RASA1: variants seen among roughly 807,000 people sequenced by gnomAD.
RASA1 encodes ras GTPase-activating protein 1.
A neutral mutation model predicts 132.2 loss-of-function variants in RASA1; 25 were observed. The ratio of observed to expected loss-of-function variants is 0.19; its 90% confidence interval spans 0.14 to 0.26. The LOEUF (loss-of-function observed/expected upper bound fraction) is 0.26, where lower values mean the gene tolerates loss of function less well. Ranked by LOEUF, RASA1 falls within the 10% of genes least tolerant of loss-of-function variation. The pLI is 1.00. For missense variants in RASA1, 964 were observed against 1,299.2 expected (o/e 0.74, Z 3.97); for synonymous variants, 477 against 449.9 (o/e 1.06, Z -0.76).
chr5:87,321,003 T>G (rs1040833053), intron 1 of RASA1, among the ~76,000 whole-genome samples: 1 of 152,220 alleles, frequency 6.6e-6, no homozygotes, highest in East Asian at 1.9e-4. Flanking sequence ...TGTACACTTC[T>G]GAGCTATTAG....
At chr5:87,276,631 A>C (rs540339451) in intron 1 of RASA1, among the ~76,000 whole-genome samples, 1 of 152,180 alleles carries the variant, frequency 6.6e-6, no homozygotes, top group South Asian at 2.1e-4. Context: ...AAATTTTTCA[A>C]ATTCAGAGGA....
rs755599141 is a variant in RASA1, at chr5:87,390,889, T to C, written c.*6T>C. ...AAACCAATGATGTCAGGTAGCAGCC[T>C]TCGCCCCAGTGTTCTGCATGGATTC... is the stretch of plus-strand genomic sequence containing the variant. On this transcript the variant is annotated 3_prime_UTR_variant, in exon 25 of 25. Coordinates refer to ENST00000274376, the MANE Select transcript of RASA1 (RefSeq NM_002890.3). 1.9e-6 allele frequency: 3 copies of C among 1,602,302 alleles called. No homozygotes were observed. Among genetic ancestry groups the C allele is most frequent in the Middle Eastern group, 1.7e-4 (1 of 6,034 alleles).
chr5:87,268,776 G>A lies in RASA1; in HGVS notation c.325G>A (p.Gly109Arg), dbSNP rs369238352. The change falls in exon 1 of 25, where the codon GGA becomes AGA. Residue 109 changes from glycine to arginine, a missense_variant. Coordinates refer to ENST00000274376, the MANE Select transcript of RASA1 (RefSeq NM_002890.3). ...AAGVAGAAVA[G>R]PSGDMALTKL... ...TGGCGTGGCCGGTGCTGCTGTTGCTGGACCTAGTGGAGACATGGCTCTCAC... is the reference window on the plus strand; with the variant it reads ...TGGCGTGGCCGGTGCTGCTGTTGCTAGACCTAGTGGAGACATGGCTCTCAC... The A allele has an allele frequency of 1.2e-6, 2 of 1,613,920 alleles. No individual in the cohort carries two copies. The highest frequency in any genetic ancestry group is 2.7e-5 in the African/African-American group (2 of 74,910).
At chr5:87,333,980 T>A (rs61066535) in intron 4 of RASA1, among the ~76,000 whole-genome samples, 3,792 of 152,278 alleles carry the variant, frequency 0.025, 111 homozygotes, top group African/African-American at 0.058. Context: ...TAGGTAATTT[T>A]AAAAAATTTT....
chr5:87,319,879 G>A (rs1756654781), intron 1 of RASA1, among the ~76,000 whole-genome samples: 4 of 152,156 alleles, frequency 2.6e-5, no homozygotes, highest in Admixed American at 1.3e-4. Context: ...AAACTTTTAT[G>A]TTCTGCTTCC....
In RASA1 at chr5:87,335,419, G is replaced by GTTTT. The variant is rs34986349; in HGVS notation, c.899+2104_899+2107dup. Among the ~76,000 whole-genome samples the GTTTT allele has an allele frequency of 2.8e-3, 202 of 72,934 alleles. 1 individual carries two copies. The highest frequency in any genetic ancestry group is 0.014 in the Middle Eastern group (1 of 74). The allele number at this position is 72,934 out of a possible 152,430, so 47.8% of individuals were successfully genotyped here. A position where few individuals can be genotyped will look rare whatever the true frequency, so the allele number is the denominator to read the frequency against. ...ATAGGTGAAGATAATAAAGAATGAG[G>GTTTT]TTTTTTTTTTTTTTTTTTTTTTTTT... On this transcript the variant is annotated intron_variant, in intron 4 of 24. Coordinates refer to ENST00000274376, the MANE Select transcript of RASA1 (RefSeq NM_002890.3).
At chr5:87,368,784 T>G (rs570724761) in intron 11 of RASA1, among the ~76,000 whole-genome samples, 1 of 152,310 alleles carries the variant, frequency 6.6e-6, no homozygotes, top group East Asian at 1.9e-4. Flanking sequence ...GCAACTGCCT[T>G]GAACGGAAAA....
chr5:87,279,758 C>T (rs533711206), intron 1 of RASA1, among the ~76,000 whole-genome samples: 2 of 152,038 alleles, frequency 1.3e-5, no homozygotes, highest in Admixed American at 6.6e-5. Context: ...TTATATTAGT[C>T]AGGGTTCTCC....
chr5:87,358,067 T>C (rs1759788449), intron 9 of RASA1, among the ~76,000 whole-genome samples: 1 of 152,276 alleles, frequency 6.6e-6, no homozygotes, highest in East Asian at 1.9e-4. Context: ...AGCAATACTA[T>C]CTTTTTACTA....
At chr5:87,373,287 T>C (rs957733040) in intron 13 of RASA1, among the ~76,000 whole-genome samples, 2 of 152,158 alleles carry the variant, frequency 1.3e-5, no homozygotes, top group African/African-American at 4.8e-5. Flanking sequence ...AACAACTATG[T>C]ACATAGCATT....
At chr5:87,271,180 G>A (rs1280255393) in intron 1 of RASA1, among the ~76,000 whole-genome samples, 3 of 152,148 alleles carry the variant, frequency 2.0e-5, no homozygotes, top group African/African-American at 7.2e-5. Flanking sequence ...GAAGGTTGCA[G>A]TGAGCCGAGA....
At chr5:87,371,863 C>T (rs757072350) in intron 12 of RASA1, among the ~76,000 whole-genome samples, 4 of 151,968 alleles carry the variant, frequency 2.6e-5, no homozygotes, top group Non-Finnish European at 5.9e-5. Context: ...AATGGCCACT[C>T]GATGTGTTTC....
intron 1 of RASA1, among the ~76,000 whole-genome samples, chr5:87,321,051 C>T (rs146960043): frequency 6.6e-6 from 1 of 152,096 alleles, no homozygotes; most frequent in East Asian, 1.9e-4. Context: ...GAAGAAAGAG[C>T]CTATTAGGGA....
rs921775798 is a variant in RASA1 at position 87,333,089 on chromosome 5, A to G, written c.829-178A>G. ...TTTAAAATATGATTTTCATAAAAAC[A>G]GGAACAACAAAAAAGCCTTTCTAGG... On this transcript the variant is annotated intron_variant, in intron 3 of 24. Transcript: ENST00000274376. Among the ~76,000 whole-genome samples, 7 of 152,148 alleles carry G rather than the reference A, an allele frequency of 4.6e-5. No individual in the cohort carries two copies. The East Asian group carries it at 1.3e-3, about 29-fold the overall frequency.
chr5:87,386,736 G>A (rs1449110481), intron 22 of RASA1, 90 bp from the exon 23 acceptor site: 22 of 1,108,442 alleles, frequency 2.0e-5, no homozygotes, highest in Non-Finnish European at 3.0e-5. Flanking sequence ...TGCAGTTTTT[G>A]CTGTTAACTG....
At position 87,390,910 on chromosome 5, in the gene RASA1, G is replaced by A; in HGVS notation, c.*27G>A. 1 of 1,566,366 alleles carries A rather than the reference G, an allele frequency of 6.4e-7. No homozygotes were observed. Among genetic ancestry groups the A allele is most frequent in the South Asian group, 1.1e-5 (1 of 90,058 alleles). ...AGCCTTCGCCCCAGTGTTCTGCATG[G>A]ATTCAGCATGTCCAACATGGTAATT... On this transcript the variant is annotated 3_prime_UTR_variant, in exon 25 of 25. Transcript: ENST00000274376.
Position 87,376,965 on chromosome 5 carries a change from C to T in RASA1, c.2269C>T (p.Leu757=). 1 of 1,612,328 alleles carries T rather than the reference C, an allele frequency of 6.2e-7. No homozygotes were observed. Residue 757 remains leucine (L), a synonymous_variant, in exon 17 of 25, where the codon CTG becomes TTG. Coordinates refer to ENST00000274376, the MANE Select transcript of RASA1 (RefSeq NM_002890.3). ...QDRTLLASIL[L]RIFLHEKLES... is the part of the protein sequence containing the mutation. ...CCGAACACTACTGGCCAGCATCCTA[C>T]TGAGGATTTTTCTTCACGAAAAGCT... is the stretch of plus-strand genomic sequence containing the variant.
chr5:87,290,465 C>G (rs1305190331), intron 1 of RASA1, among the ~76,000 whole-genome samples: 1 of 152,210 alleles, frequency 6.6e-6, no homozygotes, highest in African/African-American at 2.4e-5. Flanking sequence ...ACATTTGTTT[C>G]CAGTGGTGAA....
rs763902213 is a variant in RASA1 at position 87,362,631 on chromosome 5, T to A, written c.1413T>A (p.Phe471Leu). Residue 471 changes from phenylalanine to leucine, a missense_variant, in exon 10 of 25, where the codon TTT becomes TTA. Around this residue, in one of 6 missense-constraint regions of RASA1, gnomAD observed 346 missense variants for 520.1 expected, o/e 0.67. Coordinates refer to ENST00000274376, the MANE Select transcript of RASA1 (RefSeq NM_002890.3). ...TCCGTCGTAAAACAAAGGATGCCTT[T>A]TATAAAAACATTGTTAAGAAAGGTT... ...NTIRRKTKDA[F>L]YKNIVKKGYL... The A allele has an allele frequency of 4.8e-5, 77 of 1,602,240 alleles. No homozygotes were observed. The highest frequency in any genetic ancestry group is 5.4e-5 in the Non-Finnish European group (63 of 1,169,568).
Sources: gnomAD v4.1 joint callset for allele counts (sites outside exome capture counted in the v4.1 genomes callset) on GRCh38, gnomAD v4.1.1 for gene constraint, gnomAD v4.1.1 regional missense constraint, MANE v1.5 for transcripts, NCBI Gene and HGNC (gene_info 2026-07-23, HGNC 2026-07-21) for gene names.